The following UTRN variants were observed in gnomAD, a reference collection of about 807,000 sequenced individuals.
UTRN encodes the protein dystrophin-related protein 1.
UTRN carries 283 observed loss-of-function variants against 463.9 expected under a neutral mutation model. The ratio of observed to expected loss-of-function variants is 0.61; its 90% CI spans 0.55 to 0.67. The LOEUF (loss-of-function observed/expected upper bound fraction) is 0.67, where lower values mean the gene tolerates loss of function less well. Ranked by LOEUF, UTRN falls within the 30% of genes least tolerant of loss-of-function variation. The pLI is 0.00. For synonymous variants in UTRN, 1,442 were observed against 1,431.5 expected, an observed-to-expected ratio of 1.01 and a Z score of -0.17; for missense variants, 3,922 against 4,084.3, an observed-to-expected ratio of 0.96 and a Z score of 1.08.
chr6:144,374,684 A>G (rs1254727341), intron 2 of UTRN, among the ~76,000 whole-genome samples: 1 of 149,878 alleles, frequency 6.7e-6, no homozygotes, highest in South Asian at 2.2e-4. Context: ...AGGTTTCACC[A>G]TGTTGGTCAG....
At chr6:144,821,377 G>C (rs1238829996) in intron 66 of UTRN, among the ~76,000 whole-genome samples, 2 of 151,730 alleles carry the variant, frequency 1.3e-5, no homozygotes, top group Non-Finnish European at 1.5e-5. Flanking sequence ...CCCTTATGGG[G>C]GGTGTTTTAC....
chr6:144,440,939 A>T (rs1028315955), intron 13 of UTRN, among the ~76,000 whole-genome samples: 1 of 152,106 alleles, frequency 6.6e-6, no homozygotes, highest in African/African-American at 2.4e-5. Context: ...TCCTTTTTTT[A>T]AAACCATCAG....
chr6:144,506,358 A>G (rs139498279), intron 34 of UTRN, among the ~76,000 whole-genome samples: 1 of 152,122 alleles, frequency 6.6e-6, no homozygotes, highest in African/African-American at 2.4e-5. Context: ...CATAGTGTCC[A>G]TGGTCTTTAT....
chr6:144,535,220 A>T (rs113097413), intron 43 of UTRN, among the ~76,000 whole-genome samples: 4,264 of 152,234 alleles, frequency 0.028, 210 homozygotes, highest in African/African-American at 0.098. Flanking sequence ...AGCTGAGATG[A>T]CAGGTGCCTG....
At chr6:144,354,464 T>C (rs566173339) in intron 2 of UTRN, among the ~76,000 whole-genome samples, 4 of 152,306 alleles carry the variant, frequency 2.6e-5, no homozygotes, top group Non-Finnish European at 5.9e-5. Flanking sequence ...AATCCTGTTT[T>C]CATATTTTGT....
Position 144,437,691 on chromosome 6 carries a change from C to T in UTRN, c.1186C>T (p.Leu396=), listed in dbSNP as rs1405401186. 3 of 1,614,034 alleles carry T rather than the reference C, an allele frequency of 1.9e-6. No individual in the cohort carries two copies. Among genetic ancestry groups the T allele is most frequent in the Non-Finnish European group, 2.5e-6 (3 of 1,180,018 alleles). Residue 396 remains leucine (L), a synonymous_variant, in exon 11 of 75, where the codon CTG becomes TTG. Transcript: ENST00000367545. The part of the protein sequence containing the change: ...EEFEIQEQMT[L]LNARWEALRV... ...ATTTGAGATTCAGGAACAGATGACC[C>T]TGCTGAATGCTAGATGGGAGGCTCT...
At chr6:144,465,330 C>A (rs770364240) in intron 23 of UTRN, among the ~76,000 whole-genome samples, 2 of 152,124 alleles carry the variant, frequency 1.3e-5, no homozygotes, top group Non-Finnish European at 2.9e-5. Context: ...ACAAAAGAGT[C>A]CTGTGGTTAT....
At chr6:144,339,756 A>G (rs1314637152) in intron 2 of UTRN, among the ~76,000 whole-genome samples, 1 of 152,194 alleles carries the variant, frequency 6.6e-6, no homozygotes. Flanking sequence ...AATTTCAGTC[A>G]GGCCTTCACC....
At chr6:144,506,082 AT>A (rs146289347) in intron 34 of UTRN, among the ~76,000 whole-genome samples, 18,041 of 132,710 alleles carry the variant, frequency 0.14, 2,832 homozygotes, top group African/African-American at 0.4. Context: ...CAACCCCCGC[AT>A]TTTTTTTTTT....
chr6:144,635,753 G>C (rs1045517393), intron 51 of UTRN, among the ~76,000 whole-genome samples: 5 of 151,488 alleles, frequency 3.3e-5, no homozygotes, highest in African/African-American at 9.7e-5. Flanking sequence ...TGGCCAGGCT[G>C]GTCTTGAATT....
In UTRN at chr6:144,308,477, G is replaced by A. The variant is rs116959967; in HGVS notation, c.79+16570G>A. 1.2e-3 allele frequency among the ~76,000 whole-genome samples: 187 copies of A among 151,926 alleles called. 1 individual carries two copies. In the East Asian group the frequency reaches 0.03, roughly 24 times the overall value. On this transcript the variant is annotated intron_variant, in intron 2 of 74. Transcript: ENST00000367545. ...GCTAATTTTTGTATTTTTTTTTGTA[G>A]ATAAGAGGTTTCACCATGTTGCCCA...
intron 51 of UTRN, among the ~76,000 whole-genome samples, chr6:144,671,647 A>C (rs1374984262): frequency 6.6e-6 from 1 of 151,866 alleles, no homozygotes; most frequent in Non-Finnish European, 1.5e-5. Context: ...GATGTCCTTT[A>C]TTTCTTTCTC....
At position 144,514,800 on chromosome 6, in the gene UTRN, C is replaced by T; in HGVS notation, c.5224C>T (p.Gln1742Ter). 2 of 1,613,276 alleles carry T rather than the reference C, an allele frequency of 1.2e-6. No individual in the cohort carries two copies. The highest frequency in any genetic ancestry group is 4.5e-5 in the East Asian group (2 of 44,870). ...ELNRNFEKVSQHIKSAKLLIA... is the reference protein window; with the variant it reads ...ELNRNFEKVS ...GAATAGGAACTTTGAAAAGGTGTCT[C>T]AACATATCAAAAGTGCCAAAGTGAG... The change falls in exon 37 of 75, where the codon CAA (glutamine) becomes TAA (stop). Residue 1742 changes from glutamine (Q) to a stop codon, truncating the protein, a stop_gained. Coordinates refer to ENST00000367545, the MANE Select transcript of UTRN (RefSeq NM_007124.3). LOFTEE classifies it high-confidence loss of function.
At chr6:144,362,317 C>T (rs530045326) in intron 2 of UTRN, among the ~76,000 whole-genome samples, 31 of 152,322 alleles carry the variant, frequency 2.0e-4, no homozygotes, top group African/African-American at 7.2e-4. Flanking sequence ...CACCCCCCAT[C>T]TGCCCAGGAC....
rs573681494 is a variant in UTRN at position 144,744,591 on chromosome 6, G to A, written c.7940-3655G>A. ...GAAGACCCGAAGGGAGGAGAATGGAGAGTGACAGGGCATACACACACACAC... is the reference window on the plus strand; with the variant it reads ...GAAGACCCGAAGGGAGGAGAATGGAAAGTGACAGGGCATACACACACACAC... On this transcript the variant is annotated intron_variant, in intron 54 of 74. Coordinates refer to ENST00000367545, the MANE Select transcript of UTRN (RefSeq NM_007124.3). 9.4e-5 allele frequency among the ~76,000 whole-genome samples: 14 copies of A among 149,234 alleles called. No individual in the cohort carries two copies. The South Asian group carries it at 3.0e-3, about 32-fold the overall frequency.
At chr6:144,668,963 G>A (rs1404310178) in intron 51 of UTRN, among the ~76,000 whole-genome samples, 1 of 152,146 alleles carries the variant, frequency 6.6e-6, no homozygotes, top group East Asian at 1.9e-4. Flanking sequence ...GCAGTGAGCT[G>A]TTTTACTGTT....
intron 2 of UTRN, among the ~76,000 whole-genome samples, chr6:144,314,931 T>G (rs1358848859): frequency 6.6e-6 from 1 of 151,694 alleles, no homozygotes; most frequent in East Asian, 1.9e-4. Context: ...CCTATGTATA[T>G]ATATACCTCT....
At chr6:144,429,051 T>C (rs1464531746) in intron 8 of UTRN, among the ~76,000 whole-genome samples, 158 bp downstream of exon 8, 5 of 152,222 alleles carry the variant, frequency 3.3e-5, no homozygotes, top group African/African-American at 9.6e-5. Flanking sequence ...CTGACACTTA[T>C]TAATACTTTT....
intron 51 of UTRN, among the ~76,000 whole-genome samples, chr6:144,647,838 C>T (rs576227346): frequency 1.6e-4 from 24 of 152,260 alleles, no homozygotes; most frequent in African/African-American, 5.5e-4. Flanking sequence ...TAAAATAATA[C>T]TTTCATATGT....
Sources: gnomAD v4.1 joint callset for allele counts (sites outside exome capture counted in the v4.1 genomes callset) on GRCh38, gnomAD v4.1.1 for gene constraint, MANE v1.5 for transcripts, NCBI Gene and HGNC (gene_info 2026-07-23, HGNC 2026-07-21) for gene names.